The following BPIFB1 variants were observed in gnomAD, a reference collection of about 807,000 sequenced individuals.
BPIFB1 encodes the protein BPI fold-containing family B member 1.
Under a neutral mutation model 55.1 loss-of-function variants are expected in BPIFB1, and 34 were observed. The ratio of observed to expected loss-of-function variants is 0.62; its 90% confidence interval spans 0.47 to 0.82. BPIFB1 has a LOEUF of 0.82. Ranked by LOEUF, BPIFB1 falls within the 40% of genes least tolerant of loss-of-function variation. The probability of loss-of-function intolerance (pLI) is 0.00; values close to 1 mark genes in which losing one functional copy is unlikely to be tolerated. For synonymous variants in BPIFB1, 236 were observed against 245.3 expected (o/e 0.96, Z 0.35); for missense variants, 532 against 593.1 (o/e 0.90, Z 1.07).
chr20:33,289,561 G>C (rs1980387318), intron 3 of BPIFB1, among the ~76,000 whole-genome samples: 1 of 152,188 alleles, frequency 6.6e-6, no homozygotes, highest in African/African-American at 2.4e-5. Context: ...CAAAGGCATG[G>C]AGAAGTGACA....
intron 7 of BPIFB1, among the ~76,000 whole-genome samples, chr20:33,298,480 G>A (rs897413830): frequency 6.6e-6 from 1 of 152,238 alleles, no homozygotes. Flanking sequence ...GGCGACCAGA[G>A]AGGAGAAGGG....
At chr20:33,306,092 C>T (rs201932060) in intron 14 of BPIFB1, 27 bp downstream of exon 14, 7 of 1,612,948 alleles carry the variant, frequency 4.3e-6, no homozygotes, top group Non-Finnish European at 4.2e-6. Context: ...TCTGTGCCCC[C>T]TCTCTCCCCA....
In BPIFB1 at chr20:33,306,924, TG is replaced by T; in HGVS notation, c.1336del (p.Val446SerfsTer6). On this transcript the variant is annotated frameshift_variant, in exon 15 of 16. Coordinates refer to ENST00000253354, the MANE Select transcript of BPIFB1 (RefSeq NM_033197.3). LOFTEE classifies it high-confidence loss of function. ...LPNQNGKLRS[G>X]VPVSLVKALG... The stretch of plus-strand genomic sequence containing the variant: ...TTGTTATTTCAGGCAAATTAAGATC[TG>T]GGGTCCCAGTGTCATTGGTGAAGGC... The T allele has an allele frequency of 6.2e-7, 1 of 1,614,052 alleles. No individual in the cohort carries two copies. Among genetic ancestry groups the T allele is most frequent in the Non-Finnish European group, 8.5e-7 (1 of 1,179,852 alleles).
intron 12 of BPIFB1, among the ~76,000 whole-genome samples, chr20:33,304,462 G>C (rs566864204): frequency 7.1e-4 from 108 of 152,216 alleles, no homozygotes; most frequent in Non-Finnish European, 1.3e-3. Flanking sequence ...GGGCTGGGCT[G>C]TTTAATATAA....
intron 3 of BPIFB1, 111 bp downstream of exon 3, chr20:33,288,993 CAA>C: frequency 2.3e-6 from 3 of 1,277,532 alleles, no homozygotes; most frequent in Non-Finnish European, 3.2e-6. Flanking sequence ...TGTCAGATCA[CAA>C]AGAGTGGATC....
intron 10 of BPIFB1, 108 bp downstream of exon 10, chr20:33,302,520 C>T (rs1261686140): frequency 3.3e-5 from 41 of 1,240,792 alleles, no homozygotes; most frequent in Non-Finnish European, 4.8e-5. Flanking sequence ...AGCACTGGGA[C>T]ACTCAAACCG....
intron 2 of BPIFB1, among the ~76,000 whole-genome samples, 191 bp from the exon 3 acceptor site, chr20:33,288,550 A>G (rs545008479): frequency 1.2e-4 from 19 of 152,200 alleles, no homozygotes; most frequent in African/African-American, 4.3e-4. Context: ...CATCTGGGCT[A>G]CTGTCCTCAA....
intron 8 of BPIFB1, among the ~76,000 whole-genome samples, chr20:33,300,646 G>A (rs1980817070): frequency 6.6e-6 from 1 of 152,314 alleles, no homozygotes; most frequent in Admixed American, 6.5e-5. Context: ...GAGTGCAGTG[G>A]TGCCATCACA....
At chr20:33,285,991 C>A in intron 1 of BPIFB1, 42 bp from the exon 2 acceptor site, 1 of 1,329,264 alleles carries the variant, frequency 7.5e-7, no homozygotes, top group Non-Finnish European at 1.1e-6. Flanking sequence ...CATGGGCCTG[C>A]CCTTGGCCCC....
chr20:33,307,334 C>T (rs984980618), intron 15 of BPIFB1: 3 of 226,182 alleles, frequency 1.3e-5, no homozygotes, highest in African/African-American at 6.8e-5. Flanking sequence ...ACACTCCCAT[C>T]TTTTTCAAGC....
chr20:33,308,970 T>TAC (rs34245707), intron 15 of BPIFB1, among the ~76,000 whole-genome samples: 67,477 of 149,262 alleles, frequency 0.45, 15,415 homozygotes, highest in East Asian at 0.72. Flanking sequence ...CACATACACA[T>TAC]ACACACACAC....
rs1980908128 is a variant in BPIFB1, at chr20:33,303,077, G to A, written c.1140+3G>A. On this transcript the variant is annotated splice_donor_region_variant and intron_variant, in intron 11 of 15. Transcript: ENST00000253354. ...GCCCTTTGTTCACCCTGGGCATCGT[G>A]AGTTCAGTTGTCTGCGATATTGGCA... 6.2e-7 allele frequency: 1 copy of A among 1,613,292 alleles called. No individual in the cohort carries two copies. Among genetic ancestry groups the A allele is most frequent in the Non-Finnish European group, 8.5e-7 (1 of 1,179,838 alleles).
At chr20:33,308,825 C>A (rs1981134242) in intron 15 of BPIFB1, among the ~76,000 whole-genome samples, 1 of 150,616 alleles carries the variant, frequency 6.6e-6, no homozygotes, top group African/African-American at 2.4e-5. Context: ...ACTACACACA[C>A]ACATACACAC....
At chr20:33,304,657 C>G (rs1263696357) in intron 12 of BPIFB1, among the ~76,000 whole-genome samples, 189 bp from the exon 13 acceptor site, 1 of 152,006 alleles carries the variant, frequency 6.6e-6, no homozygotes, top group Non-Finnish European at 1.5e-5. Flanking sequence ...TTTTCTGTGC[C>G]CCCTCTATGC....
At chr20:33,292,481 T>A (rs965194759) in intron 6 of BPIFB1, among the ~76,000 whole-genome samples, 1 of 152,258 alleles carries the variant, frequency 6.6e-6, no homozygotes. Flanking sequence ...AGCAATGCGT[T>A]TTAAATTTTT....
rs1218912495 is a variant in BPIFB1, at chr20:33,309,722, TA to T, written c.1411del (p.Thr471LeufsTer?). 6.2e-7 allele frequency: 1 copy of T among 1,614,178 alleles called. No individual in the cohort carries two copies. The highest frequency in any genetic ancestry group is 1.1e-5 in the South Asian group (1 of 91,082). ...TCCAATTCCAGGATGCCCTTGTGCT[TA>T]CTCCAGCCTCCTTGTGGAAACCCAG... Reference protein sequence around the residue: ...SSLTKDALVLTPASLWKPSSP... With the variant: ...SSLTKDALVLXPASLWKPSSP... On this transcript the variant is annotated frameshift_variant, in exon 16 of 16. Transcript: ENST00000253354. LOFTEE classifies it low-confidence loss of function (END_TRUNC). The surrounding 1 kb of genome is among the most constrained non-coding windows in gnomAD (Gnocchi z 4.4).
intron 12 of BPIFB1, 51 bp from the exon 13 acceptor site, chr20:33,304,795 G>GTGAA: frequency 6.2e-7 from 1 of 1,608,818 alleles, no homozygotes; most frequent in South Asian, 1.1e-5. Context: ...TGAGTGGATG[G>GTGAA]TGAATGAGTG....
intron 6 of BPIFB1, among the ~76,000 whole-genome samples, 169 bp from the exon 7 acceptor site, chr20:33,297,356 T>A (rs1323872603): frequency 6.6e-6 from 1 of 152,240 alleles, no homozygotes; most frequent in Non-Finnish European, 1.5e-5. Context: ...CAGGTGGCCC[T>A]GCAGGCTGGG....
At position 33,308,438 on chromosome 20, in the gene BPIFB1, GCA is replaced by G. The variant is rs567038224; in HGVS notation, c.1396-1261_1396-1260del. ...CCTCATAGGCCTGAGATGCATGCAT[GCA>G]CACACACATATACACACACACACGC... On this transcript the variant is annotated intron_variant, in intron 15 of 15. Coordinates refer to ENST00000253354, the MANE Select transcript of BPIFB1 (RefSeq NM_033197.3). Among the ~76,000 whole-genome samples, 224 of 150,938 alleles carry G rather than the reference GCA, an allele frequency of 1.5e-3. 1 individual carries two copies. The highest frequency in any genetic ancestry group is 5.3e-3 in the African/African-American group (214 of 40,538).
Sources: gnomAD v4.1 joint callset for allele counts (sites outside exome capture counted in the v4.1 genomes callset) on GRCh38, gnomAD v4.1.1 for gene constraint, Gnocchi (gnomAD v3.1) non-coding constraint, MANE v1.5 for transcripts, NCBI Gene and HGNC (gene_info 2026-07-23, HGNC 2026-07-21) for gene names.